CBLN2: variants seen among roughly 807,000 people sequenced by gnomAD.
CBLN2 encodes the protein cerebellin 2 precursor.
CBLN2 carries 7 observed loss-of-function variants against 15.0 expected under a neutral mutation model. The observed-to-expected ratio is 0.47, with a 90% CI of 0.27 to 0.88. The LOEUF (loss-of-function observed/expected upper bound fraction) is 0.88, where lower values mean the gene tolerates loss of function less well. CBLN2 is among the 40% of genes least tolerant of loss of function. CBLN2 has a pLI of 0.14. For missense variants in CBLN2, 242 were observed against 304.5 expected, an observed-to-expected ratio of 0.79 and a Z score of 1.53; for synonymous variants, 149 against 135.2, an observed-to-expected ratio of 1.10 and a Z score of -0.71.
At position 72,543,391 on chromosome 18, in the gene CBLN2, C is replaced by A; in HGVS notation, c.-167+95G>T. On this transcript the variant is annotated intron_variant, in intron 2 of 4. Transcript: ENST00000269503. The surrounding 1 kb of genome is among the most constrained non-coding windows in gnomAD (Gnocchi z 6.8). ...TGATTTCCCTTCTCTCTCTCCACCT[C>A]CTCCACCCCTCGATCTGGACCAGGG... 1 of 397,718 alleles carries A rather than the reference C, an allele frequency of 2.5e-6. No individual in the cohort carries two copies. Among genetic ancestry groups the A allele is most frequent in the Non-Finnish European group, 4.4e-6 (1 of 225,536 alleles). 24.6% of individuals were successfully genotyped at this position (397,718 alleles called of 1,614,324 possible).
At chr18:72,580,177 T>A (rs2069393759) in intron 1 of CBLN2, among the ~76,000 whole-genome samples, 1 of 152,060 alleles carries the variant, frequency 6.6e-6, no homozygotes, top group Admixed American at 6.6e-5. Flanking sequence ...CTGATTTTTA[T>A]ATGAAAAATG....
At chr18:72,551,137 A>G (rs684663) in intron 1 of CBLN2, among the ~76,000 whole-genome samples, 23,792 of 151,934 alleles carry the variant, frequency 0.16, 2,149 homozygotes, top group Admixed American at 0.29. Flanking sequence ...CTCTATTTAA[A>G]CATTGATAAA....
intron 1 of CBLN2, among the ~76,000 whole-genome samples, chr18:72,625,774 C>CTA (rs1463112071): frequency 2.2e-5 from 2 of 92,326 alleles, no homozygotes; most frequent in Admixed American, 2.6e-4. Flanking sequence ...ATATATATGA[C>CTA]TATATATATA....
chr18:72,542,753 TC>T lies in CBLN2; in HGVS notation c.-166-428del, dbSNP rs2069126619. 2.6e-5 allele frequency among the ~76,000 whole-genome samples: 4 copies of T among 152,242 alleles called. No homozygotes were observed. The South Asian group carries it at 8.3e-4, about 32-fold the overall frequency. On this transcript the variant is annotated intron_variant, in intron 2 of 4. Coordinates refer to ENST00000269503, the MANE Select transcript of CBLN2 (RefSeq NM_182511.4). ...GCAGCACCAAGGAACCCTTTTCCTA[TC>T]CCTTGTTTCCCTGCTATCCTCTATT...
intron 3 of CBLN2, chr18:72,539,960 AAT>A (rs1321196122): frequency 1.3e-5 from 2 of 152,218 alleles, no homozygotes; most frequent in African/African-American, 4.8e-5. Context: ...TTCCCAGCGC[AAT>A]GTGAAATGCT....
At chr18:72,625,676 A>G (rs887221692) in intron 1 of CBLN2, among the ~76,000 whole-genome samples, 1 of 131,834 alleles carries the variant, frequency 7.6e-6, no homozygotes, top group Non-Finnish European at 1.6e-5. Context: ...ATATTATTAT[A>G]GTATTATTAT....
At chr18:72,599,804 T>C (rs1325224652) in intron 1 of CBLN2, among the ~76,000 whole-genome samples, 1 of 152,214 alleles carries the variant, frequency 6.6e-6, no homozygotes, top group African/African-American at 2.4e-5. Flanking sequence ...ATGACCTTCA[T>C]CTTGTGAGAT....
intron 1 of CBLN2, among the ~76,000 whole-genome samples, chr18:72,554,682 T>C (rs941416923): frequency 2.0e-5 from 3 of 151,214 alleles, no homozygotes; most frequent in African/African-American, 7.3e-5. Flanking sequence ...AAAAACTCAG[T>C]GACAAAAAGT....
Position 72,538,314 on chromosome 18 carries a change from G to C in CBLN2, c.537C>G (p.Val179=), listed in dbSNP as rs1259994436. Reference sequence around the variant, plus strand: ...CGCCATTGCTAGCAGCTTCTCTGGTGACATCCTGGTCTCCTGCAAAGGCCG... The same window carrying C: ...CGCCATTGCTAGCAGCTTCTCTGGTCACATCCTGGTCTCCTGCAAAGGCCG... ...VISAFAGDQD[V]TREAASNGVL... is the part of the protein sequence containing the mutation. The change falls in exon 5 of 5, where the codon GTC becomes GTG. Residue 179 remains valine (V), a synonymous_variant. Coordinates refer to ENST00000269503, the MANE Select transcript of CBLN2 (RefSeq NM_182511.4). 1 of 1,614,144 alleles carries C rather than the reference G, an allele frequency of 6.2e-7. No homozygotes were observed. Among genetic ancestry groups the C allele is most frequent in the Non-Finnish European group, 8.5e-7 (1 of 1,180,038 alleles).
chr18:72,574,526 C>T (rs183000138), intron 1 of CBLN2, among the ~76,000 whole-genome samples: 2 of 152,156 alleles, frequency 1.3e-5, no homozygotes, highest in Admixed American at 6.5e-5. Context: ...TGAAGGATAT[C>T]CTTGTGTATG....
chr18:72,566,119 T>C (rs576773902), intron 1 of CBLN2, among the ~76,000 whole-genome samples: 1 of 152,268 alleles, frequency 6.6e-6, no homozygotes, highest in South Asian at 2.1e-4. Context: ...CACTGAGATA[T>C]CACCTCATGT....
Position 72,596,761 on chromosome 18 carries a change from G to A in CBLN2, c.15+41564C>T, listed in dbSNP as rs601145. Among the ~76,000 whole-genome samples, 620 of 152,220 alleles carry A rather than the reference G, an allele frequency of 4.1e-3. 5 individuals are homozygous for A. Among genetic ancestry groups the A allele is most frequent in the African/African-American group, 0.014 (599 of 41,536 alleles). On this transcript the variant is annotated intron_variant, in intron 1 of 2. Transcript: ENST00000581073. ...ATGACACTCTCTCCTGGCCTGTATGGTTTCCACTGAGAAATCTGCTGCCAG... is the reference window on the plus strand; with the variant it reads ...ATGACACTCTCTCCTGGCCTGTATGATTTCCACTGAGAAATCTGCTGCCAG...
intron 3 of CBLN2, 69 bp downstream of exon 3, chr18:72,541,735 C>A: frequency 7.5e-7 from 1 of 1,334,414 alleles, no homozygotes; most frequent in Non-Finnish European, 1.0e-6. Context: ...GCCTGAACCC[C>A]AGCCCGCGCG....
At chr18:72,620,142 C>G (rs1036668931) in intron 1 of CBLN2, 2 of 152,374 alleles carry the variant, frequency 1.3e-5, no homozygotes, top group Non-Finnish European at 2.9e-5. Context: ...TCTTTCAGCT[C>G]TGTCATCCAT....
At chr18:72,586,548 C>T (rs1027131915) in intron 1 of CBLN2, among the ~76,000 whole-genome samples, 1 of 152,100 alleles carries the variant, frequency 6.6e-6, no homozygotes, top group Admixed American at 6.5e-5. Context: ...AAGTCATGCC[C>T]CATGCTTCAC....
intron 1 of CBLN2, among the ~76,000 whole-genome samples, chr18:72,607,561 C>A (rs986753331): frequency 6.6e-6 from 1 of 152,198 alleles, no homozygotes; most frequent in Non-Finnish European, 1.5e-5. Context: ...ACACAGATTT[C>A]ATGGCTTCTT....
At chr18:72,582,993 A>G (rs531328739) in intron 1 of CBLN2, among the ~76,000 whole-genome samples, 1 of 152,042 alleles carries the variant, frequency 6.6e-6, no homozygotes, top group Non-Finnish European at 1.5e-5. Flanking sequence ...GCTGAGGTTC[A>G]CTCTGTGAGA....
intron 1 of CBLN2, among the ~76,000 whole-genome samples, chr18:72,553,458 TGATA>T (rs5826203): frequency 0.072 from 10,725 of 148,866 alleles, 792 homozygotes; most frequent in East Asian, 0.41. Context: ...TAACAATTTG[TGATA>T]GATAGATAGA....
intron 1 of CBLN2, chr18:72,625,204 G>A (rs1049948111): frequency 2.0e-5 from 3 of 152,126 alleles, no homozygotes; most frequent in Non-Finnish European, 2.9e-5. Flanking sequence ...TGTCAGAGGG[G>A]TGAGAGGCAC....
Sources: gnomAD v4.1 joint callset for allele counts (sites outside exome capture counted in the v4.1 genomes callset) on GRCh38, gnomAD v4.1.1 for gene constraint, Gnocchi (gnomAD v3.1) non-coding constraint, MANE v1.5 for transcripts, NCBI Gene and HGNC (gene_info 2026-07-23, HGNC 2026-07-21) for gene names.